The following RBFOX1 variants were observed in gnomAD, a reference collection of about 807,000 sequenced individuals.
RBFOX1 encodes RNA binding protein fox-1 homolog 1.
RBFOX1 carries 8 observed loss-of-function variants against 57.7 expected under a neutral mutation model. The observed-to-expected ratio is 0.14, with a 90% CI of 0.08 to 0.25. The LOEUF is 0.25. Ranked by LOEUF, RBFOX1 falls within the 10% of genes least tolerant of loss-of-function variation. RBFOX1 has a pLI of 1.00. For missense variants in RBFOX1, 611 were observed against 548.5 expected, an observed-to-expected ratio of 1.11 and a Z score of -1.14; for synonymous variants, 326 against 222.4, an observed-to-expected ratio of 1.47 and a Z score of -4.15.
chr16:7,454,231 C>T (rs1268746937), intron 4 of RBFOX1, among the ~76,000 whole-genome samples: 2 of 152,052 alleles, frequency 1.3e-5, no homozygotes, highest in Non-Finnish European at 2.9e-5. Flanking sequence ...AGACTCCGTC[C>T]CCCACCAACC....
rs1017710331 is a variant in RBFOX1 at position 7,249,939 on chromosome 16, A to G, written c.27+197841A>G. 2.0e-5 allele frequency among the ~76,000 whole-genome samples: 3 copies of G among 152,238 alleles called. No individual in the cohort carries two copies. The South Asian group carries it at 6.2e-4, about 31-fold the overall frequency. ...TACACTCTCAACAGTAGTGTTTAAG[A>G]GACTCTTTCTCTAAATCTCCTTTAA... On this transcript the variant is annotated intron_variant, in intron 4 of 15. Coordinates refer to ENST00000550418, the MANE Select transcript of RBFOX1 (RefSeq NM_018723.4).
chr16:7,249,848 T>C (rs1203753558), intron 4 of RBFOX1, among the ~76,000 whole-genome samples: 2 of 152,218 alleles, frequency 1.3e-5, no homozygotes, highest in Non-Finnish European at 2.9e-5. Context: ...GAATAAAGGT[T>C]ATACAAATGT....
chr16:5,591,361 C>T (rs2047000643), intron 2 of RBFOX1, among the ~76,000 whole-genome samples: 1 of 151,604 alleles, frequency 6.6e-6, no homozygotes, highest in South Asian at 2.1e-4. Context: ...AAGTGATTCT[C>T]CTGCCTCAGC....
intron 4 of RBFOX1, among the ~76,000 whole-genome samples, chr16:7,068,707 C>G (rs1427786171): frequency 6.6e-6 from 1 of 152,104 alleles, no homozygotes; most frequent in Non-Finnish European, 1.5e-5. Context: ...CCTGTCTCAG[C>G]CTCCCAAGTA....
intron 1 of RBFOX1, among the ~76,000 whole-genome samples, chr16:6,044,054 G>C (rs2095470381): frequency 6.6e-6 from 1 of 152,138 alleles, no homozygotes; most frequent in African/African-American, 2.4e-5. Context: ...ACAGTATTCT[G>C]TAAGTAAGAT....
rs538694374 is a variant in RBFOX1 at position 7,410,511 on chromosome 16, G to C, written c.28-107636G>C. Among the ~76,000 whole-genome samples the C allele has an allele frequency of 5.3e-5, 8 of 152,068 alleles. No homozygotes were observed. In the East Asian group the frequency reaches 1.5e-3, roughly 29 times the overall value. On this transcript the variant is annotated intron_variant, in intron 4 of 15. Coordinates refer to ENST00000550418, the MANE Select transcript of RBFOX1 (RefSeq NM_018723.4). Reference sequence around the variant, plus strand: ...AGCCTGACCAACATGGAGAAACCCGGTCTCTACTAAAAATACAAAATTAGC... The same window carrying C: ...AGCCTGACCAACATGGAGAAACCCGCTCTCTACTAAAAATACAAAATTAGC...
At chr16:5,647,638 C>G (rs959987709) in intron 3 of RBFOX1, among the ~76,000 whole-genome samples, 2 of 152,114 alleles carry the variant, frequency 1.3e-5, no homozygotes, top group African/African-American at 2.4e-5. Flanking sequence ...AAAGAGTAGA[C>G]CTCAGTAAGT....
In RBFOX1 at chr16:6,260,410, G is replaced by T. The variant is rs79861179; in HGVS notation, c.-126-56585G>T. Among the ~76,000 whole-genome samples, 76 of 152,268 alleles carry T rather than the reference G, an allele frequency of 5.0e-4. 1 individual carries two copies. The East Asian group carries it at 0.013, about 26-fold the overall frequency. On this transcript the variant is annotated intron_variant, in intron 1 of 15. Transcript: ENST00000550418. ...ACCCCAAAATGTTGCAGCCAGGTTG[G>T]AATGAAGTGGGCCAGATTGGGAAGG... is the stretch of plus-strand genomic sequence containing the variant.
chr16:7,214,088 A>G (rs188269508), intron 4 of RBFOX1, among the ~76,000 whole-genome samples: 1 of 150,204 alleles, frequency 6.7e-6, no homozygotes, highest in South Asian at 2.1e-4. Flanking sequence ...AAAAAAAAAA[A>G]TTTTTCCACT....
chr16:5,664,204 T>G (rs1233727254), intron 3 of RBFOX1, among the ~76,000 whole-genome samples: 1 of 152,232 alleles, frequency 6.6e-6, no homozygotes, highest in African/African-American at 2.4e-5. Flanking sequence ...ATCTCTTGAC[T>G]TGGGGGTTCT....
At chr16:6,583,262 T>A (rs2097562633) in intron 2 of RBFOX1, among the ~76,000 whole-genome samples, 1 of 152,186 alleles carries the variant, frequency 6.6e-6, no homozygotes, top group African/African-American at 2.4e-5. Flanking sequence ...ATTGGCCAGC[T>A]TGGAACACAT....
chr16:6,522,154 AGTGTGTGTGTGTGTGT>A lies in RBFOX1; in HGVS notation c.-63-132422_-63-132407del, dbSNP rs35360830. Among the ~76,000 whole-genome samples the A allele has an allele frequency of 4.9e-4, 70 of 142,856 alleles. 1 individual carries two copies. Among genetic ancestry groups the A allele is most frequent in the African/African-American group, 1.6e-3 (61 of 38,540 alleles). The allele number at this position is 142,856 out of a possible 152,430, so 93.7% of individuals were successfully genotyped here. On this transcript the variant is annotated intron_variant, in intron 2 of 15. Coordinates refer to ENST00000550418, the MANE Select transcript of RBFOX1 (RefSeq NM_018723.4). ...TTTTAATGGCACTCTGGGGACCCAC[AGTGTGTGTGTGTGTGT>A]GTGTGTGTGTGTGTGTGTGTGTGTG... is the stretch of plus-strand genomic sequence containing the variant.
intron 2 of RBFOX1, among the ~76,000 whole-genome samples, chr16:6,463,723 T>C (rs1420240514): frequency 1.3e-5 from 2 of 152,246 alleles, no homozygotes; most frequent in African/African-American, 4.8e-5. Flanking sequence ...TCCGCCATTA[T>C]ACAGCAGAAA....
At chr16:6,587,781 A>C (rs745921303) in intron 2 of RBFOX1, among the ~76,000 whole-genome samples, 1 of 152,214 alleles carries the variant, frequency 6.6e-6, no homozygotes, top group South Asian at 2.1e-4. Context: ...GTGAAAACCC[A>C]TATAACTTTT....
At chr16:7,181,449 G>T (rs947646798) in intron 4 of RBFOX1, among the ~76,000 whole-genome samples, 6 of 152,080 alleles carry the variant, frequency 3.9e-5, no homozygotes, top group Non-Finnish European at 8.8e-5. Context: ...ATTTTGGTAA[G>T]GCTAGTAGTA....
intron 1 of RBFOX1, among the ~76,000 whole-genome samples, chr16:6,105,827 A>G (rs1030693759): frequency 7.2e-5 from 11 of 152,094 alleles, no homozygotes; most frequent in Non-Finnish European, 1.3e-4. Flanking sequence ...CTTAAGCTGT[A>G]TATGTTCCAT....
intron 3 of RBFOX1, among the ~76,000 whole-genome samples, chr16:6,838,703 C>A (rs1050565126): frequency 6.6e-6 from 1 of 152,104 alleles, no homozygotes; most frequent in Non-Finnish European, 1.5e-5. Flanking sequence ...AATCCCCAGT[C>A]TGGGGGCTTG....
intron 2 of RBFOX1, among the ~76,000 whole-genome samples, chr16:6,327,033 T>C (rs937840887): frequency 1.3e-5 from 2 of 152,170 alleles, no homozygotes; most frequent in African/African-American, 4.8e-5. Context: ...GACAGCTCTC[T>C]GAAGACATGG....
intron 3 of RBFOX1, among the ~76,000 whole-genome samples, chr16:5,788,746 CA>C (rs1442324962): frequency 6.6e-6 from 1 of 150,922 alleles, no homozygotes; most frequent in Non-Finnish European, 1.5e-5. Context: ...CATACACATT[CA>C]CACACACACA....
Sources: gnomAD v4.1 joint callset for allele counts (sites outside exome capture counted in the v4.1 genomes callset) on GRCh38, gnomAD v4.1.1 for gene constraint, MANE v1.5 for transcripts, NCBI Gene and HGNC (gene_info 2026-07-23, HGNC 2026-07-21) for gene names.